Variants in NBN observed in about 807,000 individuals in gnomAD.
NBN encodes the protein Nijmegen breakage syndrome 1 (nibrin).
NBN carries 88 observed loss-of-function variants against 90.8 expected under a neutral mutation model. The observed-to-expected ratio is 0.97, with a 90% CI of 0.82 to 1.16. The LOEUF (loss-of-function observed/expected upper bound fraction) is 1.16, where lower values mean the gene tolerates loss of function less well. Among genes scored for constraint, NBN ranks in the 50% most tolerant of loss-of-function variants. NBN has a pLI of 0.00. For synonymous variants in NBN, 328 were observed against 295.1 expected (o/e 1.11, Z -1.14); for missense variants, 894 against 869.6 (o/e 1.03, Z -0.35).
Position 89,984,652 on chromosome 8 carries a change from G to T in NBN, c.-91C>A, listed in dbSNP as rs530299649. On this transcript the variant is annotated 5_prime_UTR_variant, in exon 1 of 16. Transcript: ENST00000265433. ...GATACGGCGCCTGCGGTCGGCATGG[G>T]CTCCGGGACGTGCGCGCTCCCGGGA... 35 of 1,562,438 alleles carry T rather than the reference G, an allele frequency of 2.2e-5. No homozygotes were observed. In the East Asian group the frequency reaches 7.8e-4, roughly 35 times the overall value.
chr8:89,979,008 C>T (rs1025522500), intron 4 of NBN, among the ~76,000 whole-genome samples: 2 of 152,134 alleles, frequency 1.3e-5, no homozygotes, highest in Admixed American at 6.5e-5. Context: ...GACAGGGTCT[C>T]GCTCTGTTGT....
At chr8:89,962,729 C>G (rs191339492) in intron 8 of NBN, among the ~76,000 whole-genome samples, 14 of 152,294 alleles carry the variant, frequency 9.2e-5, no homozygotes, top group Admixed American at 9.2e-4. Context: ...TGTACAGACA[C>G]AAACATATGT....
intron 4 of NBN, among the ~76,000 whole-genome samples, chr8:89,979,206 T>A (rs1811928492): frequency 6.6e-6 from 1 of 152,188 alleles, no homozygotes; most frequent in Non-Finnish European, 1.5e-5. Context: ...CTCAAATTCC[T>A]GGGCTCAAGC....
rs369037495 is a variant in NBN at position 89,935,620 on chromosome 8, G to A, written c.2235-8C>T. 5.6e-6 allele frequency: 9 copies of A among 1,605,382 alleles called. No homozygotes were observed. The highest frequency in any genetic ancestry group is 7.7e-6 in the Non-Finnish European group (9 of 1,173,196). On this transcript the variant is annotated splice_region_variant and splice_polypyrimidine_tract_variant and intron_variant, in intron 15 of 15. Coordinates refer to ENST00000265433, the MANE Select transcript of NBN (RefSeq NM_002485.5). Reference sequence around the variant, plus strand: ...TTTAAATAAGGATTGTATCTGCAAAGAAAGAAATGGGGTTAAATGATATTT... The same window carrying A: ...TTTAAATAAGGATTGTATCTGCAAAAAAAGAAATGGGGTTAAATGATATTT...
chr8:89,979,575 T>TG (rs1284666745), intron 4 of NBN, among the ~76,000 whole-genome samples: 1 of 152,092 alleles, frequency 6.6e-6, no homozygotes, highest in East Asian at 1.9e-4. Flanking sequence ...TAAGAATAAA[T>TG]GGTCTTTAAA....
intron 11 of NBN, among the ~76,000 whole-genome samples, chr8:89,951,589 A>G (rs1035487936): frequency 6.6e-6 from 1 of 152,234 alleles, no homozygotes; most frequent in East Asian, 1.9e-4. Context: ...ATGTAAATGT[A>G]TTAAACTTAG....
intron 14 of NBN, among the ~76,000 whole-genome samples, chr8:89,942,199 C>T (rs1195752108): frequency 2.0e-5 from 3 of 152,136 alleles, no homozygotes; most frequent in Non-Finnish European, 4.4e-5. Context: ...TTCATTCTGG[C>T]ACTTAGTGAA....
At chr8:89,953,773 C>T (rs1810570269) in intron 10 of NBN, 82 bp from the exon 11 acceptor site, 5 of 1,035,666 alleles carry the variant, frequency 4.8e-6, no homozygotes, top group South Asian at 4.2e-5. Flanking sequence ...ATATTCATCA[C>T]TCCCTCCATT....
chr8:89,981,293 C>A (rs2129913408), intron 3 of NBN, 82 bp downstream of exon 3: 1 of 1,421,662 alleles, frequency 7.0e-7, no homozygotes, highest in Non-Finnish European at 9.9e-7. Flanking sequence ...GTTTTAAATT[C>A]ATTAATCAGA....
intron 1 of NBN, among the ~76,000 whole-genome samples, chr8:89,983,737 T>C (rs1172246251): frequency 6.6e-6 from 1 of 152,166 alleles, no homozygotes; most frequent in Non-Finnish European, 1.5e-5. Flanking sequence ...GGGAGCATAA[T>C]TTCATTACCC....
intron 8 of NBN, among the ~76,000 whole-genome samples, chr8:89,963,301 A>C (rs1043797428): frequency 8.1e-4 from 123 of 152,282 alleles, no homozygotes; most frequent in African/African-American, 2.8e-3. Context: ...CATTCAATGG[A>C]CTACAGTGAA....
At chr8:89,963,745 A>T (rs1811110075) in intron 8 of NBN, among the ~76,000 whole-genome samples, 1 of 152,174 alleles carries the variant, frequency 6.6e-6, no homozygotes, top group Non-Finnish European at 1.5e-5. Flanking sequence ...GTTGTTTCTA[A>T]CTGCTCCACC....
At chr8:89,979,878 C>G (rs894175902) in intron 4 of NBN, among the ~76,000 whole-genome samples, 2 of 152,070 alleles carry the variant, frequency 1.3e-5, no homozygotes, top group African/African-American at 4.8e-5. Context: ...ACCAACCAAG[C>G]TAGTGTATGA....
Position 89,982,906 on chromosome 8 carries a change from T to G in NBN, c.38-51A>C, listed in dbSNP as rs372803797. On this transcript the variant is annotated intron_variant, in intron 1 of 15. Transcript: ENST00000265433. The stretch of plus-strand genomic sequence containing the variant: ...AGATAAGTTGATAGACACATACACA[T>G]GTACACGAACACACACATACATGTA... 53 of 1,565,420 alleles carry G rather than the reference T, an allele frequency of 3.4e-5. No homozygotes were observed. In the African/African-American group the frequency reaches 6.8e-4, roughly 20 times the overall value.
chr8:89,984,373 G>A (rs976346674), intron 1 of NBN, 152 bp downstream of exon 1: 1 of 737,756 alleles, frequency 1.4e-6, no homozygotes, highest in Non-Finnish European at 2.4e-6. Flanking sequence ...GGAAGAATAT[G>A]CGCTTGCCAT....
intron 7 of NBN, among the ~76,000 whole-genome samples, chr8:89,966,609 C>T (rs7006322): frequency 0.33 from 50,714 of 152,002 alleles, 8,509 homozygotes; most frequent in East Asian, 0.45. Flanking sequence ...TTACATAAAT[C>T]GTTAATTCTC....
At chr8:89,964,745 T>C (rs1335540590) in intron 7 of NBN, among the ~76,000 whole-genome samples, 2 of 152,138 alleles carry the variant, frequency 1.3e-5, no homozygotes, top group Non-Finnish European at 2.9e-5. Flanking sequence ...CTAAAGAATA[T>C]AGATCTTCCC....
chr8:89,948,723 T>A (rs1810312704), intron 11 of NBN, among the ~76,000 whole-genome samples: 1 of 152,248 alleles, frequency 6.6e-6, no homozygotes, highest in African/African-American at 2.4e-5. Context: ...AAAGAGGATA[T>A]TTTAATCAAT....
At position 89,958,739 on chromosome 8, in the gene NBN, CTCTGAT is replaced by C. The variant is rs1425019959; in HGVS notation, c.1104_1109del (p.Ser369_Glu370del). On this transcript the variant is annotated inframe_deletion, in exon 9 of 16. Transcript: ENST00000265433. The stretch of plus-strand genomic sequence containing the variant: ...AGAAGCTTTACCATGTATCTGCTTG[CTCTGAT>C]TCTGTGTCAGCTACGTATGTTGTAG... 2 of 1,614,040 alleles carry C rather than the reference CTCTGAT, an allele frequency of 1.2e-6. No individual in the cohort carries two copies. Among genetic ancestry groups the C allele is most frequent in the East Asian group, 4.5e-5 (2 of 44,880 alleles).
Sources: allele counts gnomAD v4.1 joint callset (sites outside exome capture counted in the v4.1 genomes callset), GRCh38; gene constraint gnomAD v4.1.1; transcripts MANE v1.5; gene names NCBI Gene and HGNC (gene_info 2026-07-23, HGNC 2026-07-21).